The following RBFOX1 variants were observed in gnomAD, a reference collection of about 807,000 sequenced individuals.
RBFOX1 encodes the protein RNA binding protein fox-1 homolog 1.
Under a neutral mutation model 57.7 loss-of-function variants are expected in RBFOX1, and 8 were observed. The ratio of observed to expected loss-of-function variants is 0.14; its 90% CI spans 0.08 to 0.25. The LOEUF is 0.25. RBFOX1 is among the 10% of genes least tolerant of loss of function. The pLI, the probability that RBFOX1 is intolerant of heterozygous loss-of-function variation, is 1.00. For missense variants in RBFOX1, 611 were observed against 548.5 expected (o/e 1.11, Z -1.14); for synonymous variants, 326 against 222.4 (o/e 1.47, Z -4.15).
At chr16:7,152,232 G>T (rs960934720) in intron 4 of RBFOX1, among the ~76,000 whole-genome samples, 1 of 152,138 alleles carries the variant, frequency 6.6e-6, no homozygotes, top group South Asian at 2.1e-4. Context: ...CGTCCATAGC[G>T]GTAGCACAAG....
At chr16:6,176,672 C>T (rs1460222939) in intron 1 of RBFOX1, among the ~76,000 whole-genome samples, 1 of 146,986 alleles carries the variant, frequency 6.8e-6, no homozygotes, top group Non-Finnish European at 1.5e-5. Flanking sequence ...TTATTATTTG[C>T]TAACAACCAT....
At chr16:6,357,375 C>G (rs1375302644) in intron 2 of RBFOX1, among the ~76,000 whole-genome samples, 1 of 152,046 alleles carries the variant, frequency 6.6e-6, no homozygotes, top group South Asian at 2.1e-4. Context: ...AAATCCTATG[C>G]TTCTCCCCAT....
At chr16:5,970,607 G>C (rs2059942982) in intron 4 of RBFOX1, among the ~76,000 whole-genome samples, 1 of 152,198 alleles carries the variant, frequency 6.6e-6, no homozygotes, top group South Asian at 2.1e-4. Context: ...AGAGAAGACA[G>C]ACTGTGGGCC....
At chr16:6,552,030 A>G (rs2096999906) in intron 2 of RBFOX1, among the ~76,000 whole-genome samples, 1 of 152,186 alleles carries the variant, frequency 6.6e-6, no homozygotes, top group Non-Finnish European at 1.5e-5. Flanking sequence ...AGGAGAGGAA[A>G]GGATGAATTT....
At chr16:5,715,113 C>A (rs949275797) in intron 3 of RBFOX1, among the ~76,000 whole-genome samples, 3 of 152,230 alleles carry the variant, frequency 2.0e-5, no homozygotes, top group Middle Eastern at 3.2e-3. Context: ...CAGTACCTTA[C>A]ATTTAGCCAT....
chr16:5,673,859 C>A (rs945283694), intron 3 of RBFOX1, among the ~76,000 whole-genome samples: 2 of 152,222 alleles, frequency 1.3e-5, no homozygotes, highest in Non-Finnish European at 2.9e-5. Context: ...CCCAGCTTAG[C>A]ATTTTGCCTG....
At chr16:6,699,094 C>T (rs879512723) in intron 3 of RBFOX1, among the ~76,000 whole-genome samples, 1 of 152,126 alleles carries the variant, frequency 6.6e-6, no homozygotes, top group Non-Finnish European at 1.5e-5. Context: ...TCATAACCAG[C>T]ATGCAGCCAT....
chr16:5,764,190 C>G (rs892053365), intron 3 of RBFOX1, among the ~76,000 whole-genome samples: 2 of 152,212 alleles, frequency 1.3e-5, no homozygotes, highest in African/African-American at 2.4e-5. Flanking sequence ...TACAACTCTC[C>G]AGCTCACAGC....
chr16:6,866,756 A>G (rs573597234), intron 3 of RBFOX1, among the ~76,000 whole-genome samples: 3 of 151,700 alleles, frequency 2.0e-5, no homozygotes, highest in Non-Finnish European at 4.4e-5. Context: ...GTTAGCCAGG[A>G]TGGTCTCGAT....
chr16:6,544,505 T>A (rs920424959), intron 2 of RBFOX1, among the ~76,000 whole-genome samples: 1 of 152,198 alleles, frequency 6.6e-6, no homozygotes, highest in Non-Finnish European at 1.5e-5. Context: ...ATTTTTCATG[T>A]GAATTCAACT....
chr16:6,665,791 T>C (rs769816093), intron 3 of RBFOX1, among the ~76,000 whole-genome samples: 5 of 152,216 alleles, frequency 3.3e-5, no homozygotes, highest in Non-Finnish European at 5.9e-5. Context: ...TATTCTATTA[T>C]TGAATCCTTA....
At chr16:5,669,914 C>G (rs565487374) in intron 3 of RBFOX1, among the ~76,000 whole-genome samples, 1 of 152,254 alleles carries the variant, frequency 6.6e-6, no homozygotes, top group South Asian at 2.1e-4. Context: ...TCACAATATC[C>G]AAAAGGTAGA....
At chr16:6,972,345 C>T (rs2085763599) in intron 3 of RBFOX1, among the ~76,000 whole-genome samples, 1 of 152,016 alleles carries the variant, frequency 6.6e-6, no homozygotes, top group African/African-American at 2.4e-5. Flanking sequence ...AATTATACAG[C>T]GTTTCTCCTT....
Position 6,661,340 on chromosome 16 carries a change from C to T in RBFOX1, c.-16+6690C>T, listed in dbSNP as rs151210547. On this transcript the variant is annotated intron_variant, in intron 3 of 15. Transcript: ENST00000550418. ...CCTCCTGGCAGAGGGAACAGAATGGCGAGGACAAGACGGTGTAGAGAACAT... is the reference window on the plus strand; with the variant it reads ...CCTCCTGGCAGAGGGAACAGAATGGTGAGGACAAGACGGTGTAGAGAACAT... Among the ~76,000 whole-genome samples the T allele has an allele frequency of 3.3e-5, 5 of 152,138 alleles. No individual in the cohort carries two copies. In the East Asian group the frequency reaches 7.7e-4, roughly 24 times the overall value.
chr16:7,600,572 T>C (rs1299685098), intron 9 of RBFOX1, among the ~76,000 whole-genome samples: 1 of 152,228 alleles, frequency 6.6e-6, no homozygotes, highest in Non-Finnish European at 1.5e-5. Flanking sequence ...GGTTCACTCA[T>C]TAGCTACATA....
chr16:6,194,047 C>G (rs372942871), intron 1 of RBFOX1, among the ~76,000 whole-genome samples: 1 of 152,298 alleles, frequency 6.6e-6, no homozygotes, highest in East Asian at 1.9e-4. Flanking sequence ...TACTAACTGC[C>G]TCTTGGATGT....
intron 2 of RBFOX1, among the ~76,000 whole-genome samples, chr16:6,451,493 C>G (rs2094621961): frequency 6.6e-6 from 1 of 152,140 alleles, no homozygotes; most frequent in South Asian, 2.1e-4. Context: ...AATCCAGTTG[C>G]TCAACACTTC....
chr16:5,838,591 GT>G (rs2056533699), intron 3 of RBFOX1: 1 of 160,760 alleles, frequency 6.2e-6, no homozygotes, highest in Admixed American at 6.2e-5. Context: ...GATAAATTCT[GT>G]CTTTCTTCCA....
At chr16:5,381,186 T>C (rs144643408) in intron 1 of RBFOX1, among the ~76,000 whole-genome samples, 67 of 152,288 alleles carry the variant, frequency 4.4e-4, no homozygotes, top group African/African-American at 1.6e-3. Context: ...GACAGCCTGG[T>C]CTTTATCTGT....
Sources: gnomAD v4.1 joint callset for allele counts (sites outside exome capture counted in the v4.1 genomes callset) on GRCh38, gnomAD v4.1.1 for gene constraint, MANE v1.5 for transcripts, NCBI Gene and HGNC (gene_info 2026-07-23, HGNC 2026-07-21) for gene names.